SH3BP5: variants seen among roughly 807,000 people sequenced by gnomAD.
SH3BP5 encodes SH3 domain binding protein 5.
A neutral mutation model predicts 43.3 loss-of-function variants in SH3BP5; 22 were observed. The observed-to-expected ratio is 0.51, with a 90% CI of 0.36 to 0.73. The LOEUF is 0.73. SH3BP5 is among the 30% of genes least tolerant of loss of function. SH3BP5 has a pLI of 0.00. For synonymous variants in SH3BP5, 255 were observed against 225.8 expected (o/e 1.13, Z -1.16); for missense variants, 529 against 586.9 (o/e 0.90, Z 1.02).
intron 7 of SH3BP5, chr3:15,257,489 A>G (rs1696256253): frequency 5.8e-6 from 1 of 172,204 alleles, no homozygotes; most frequent in Admixed American, 5.9e-5. Context: ...AGTCCTCTGT[A>G]ACATATCCCA....
At chr3:15,333,566 A>G (rs991801596), upstream of SH3BP5, among the ~76,000 whole-genome samples, 1 of 152,182 alleles carries the variant, frequency 6.6e-6, no homozygotes, top group Non-Finnish European at 1.5e-5. Context: ...GCTCTTTGAG[A>G]TGCCAGGACA....
chr3:15,320,275 C>T (rs1011562522), intron 2 of SH3BP5, among the ~76,000 whole-genome samples: 3 of 152,024 alleles, frequency 2.0e-5, no homozygotes, highest in Admixed American at 6.6e-5. Context: ...CAGTTTCTTT[C>T]TGTTAGAGCA....
intron 2 of SH3BP5, 158 bp from the exon 3 acceptor site, chr3:15,304,389 C>G (rs1697839211): frequency 8.8e-7 from 1 of 1,134,688 alleles, no homozygotes; most frequent in African/African-American, 1.5e-5. Context: ...CAGCACCGCC[C>G]AAAACAGCTT....
chr3:15,330,668 A>G, intron 1 of SH3BP5, 102 bp from the exon 2 acceptor site: 1 of 1,395,264 alleles, frequency 7.2e-7, no homozygotes, highest in Non-Finnish European at 9.4e-7. Flanking sequence ...CCCAATTTGC[A>G]GGAAAAGGGA....
chr3:15,330,460 G>C (rs1443185208), intron 2 of SH3BP5, 44 bp downstream of exon 2: 6 of 1,504,134 alleles, frequency 4.0e-6, no homozygotes, highest in Non-Finnish European at 3.7e-6. Flanking sequence ...GTGCCGGTGT[G>C]AGTGACATCA....
chr3:15,279,110 C>T (rs1697050552), intron 3 of SH3BP5, among the ~76,000 whole-genome samples: 1 of 152,040 alleles, frequency 6.6e-6, no homozygotes, highest in South Asian at 2.1e-4. Flanking sequence ...GTGGAGGTTG[C>T]AGTGAGCCGA....
In SH3BP5 at chr3:15,330,498, C is replaced by T. The variant is rs369343891; in HGVS notation, c.201+6G>A. 2.5e-6 allele frequency: 4 copies of T among 1,611,650 alleles called. No homozygotes were observed. In the Admixed American group the frequency reaches 6.7e-5, roughly 27 times the overall value. ...TCACCAAGAACAGGAACTCAGCTCT[C>T]TGTACCTCAAGTTCAGTCTCCCGTC... On this transcript the variant is annotated splice_donor_region_variant and intron_variant, in intron 2 of 8. Transcript: ENST00000383791.
At chr3:15,325,770 A>T (rs1047070287) in intron 2 of SH3BP5, among the ~76,000 whole-genome samples, 3 of 152,208 alleles carry the variant, frequency 2.0e-5, no homozygotes, top group Non-Finnish European at 1.5e-5. Context: ...CTGTAATCCC[A>T]GCATTTTGTG....
intron 3 of SH3BP5, among the ~76,000 whole-genome samples, chr3:15,290,298 G>T (rs1413892074): frequency 1.3e-5 from 2 of 152,024 alleles, no homozygotes; most frequent in Admixed American, 6.6e-5. Context: ...AGAGGCCAAG[G>T]CGGGCAGATC....
intron 3 of SH3BP5, among the ~76,000 whole-genome samples, chr3:15,295,060 C>T (rs1697531264): frequency 6.6e-6 from 1 of 152,096 alleles, no homozygotes; most frequent in East Asian, 1.9e-4. Flanking sequence ...TCCCCTCAAG[C>T]CTTCCTGATG....
chr3:15,329,152 A>C (rs1379623523), intron 2 of SH3BP5, among the ~76,000 whole-genome samples: 2 of 112,132 alleles, frequency 1.8e-5, no homozygotes, highest in Non-Finnish European at 4.0e-5. Flanking sequence ...TCTGTCTCAA[A>C]AAAAAAAAAA....
chr3:15,276,875 T>C (rs998732366), intron 3 of SH3BP5, among the ~76,000 whole-genome samples: 11 of 152,248 alleles, frequency 7.2e-5, no homozygotes, highest in African/African-American at 2.4e-4. Context: ...ACATTTATAC[T>C]ATATAGTATA....
In SH3BP5 at chr3:15,304,001, C is replaced by T. The variant is rs565014667; in HGVS notation, c.330+102G>A. On this transcript the variant is annotated intron_variant, in intron 3 of 8. Coordinates refer to ENST00000383791, the MANE Select transcript of SH3BP5 (RefSeq NM_004844.5). Reference sequence around the variant, plus strand: ...GTCACTGCATTTAAGACATATTGGACTCGAGCTTCTAACCTTCAGCAGGTG... The same window carrying T: ...GTCACTGCATTTAAGACATATTGGATTCGAGCTTCTAACCTTCAGCAGGTG... The T allele has an allele frequency of 1.2e-4, 113 of 938,762 alleles. 1 individual carries two copies. The South Asian group carries it at 1.5e-3, about 13-fold the overall frequency. 58.2% of individuals were successfully genotyped at this position (938,762 alleles called of 1,614,324 possible). A position where few individuals can be genotyped will look rare whatever the true frequency, so the allele number is the denominator to read the frequency against.
At chr3:15,316,973 T>C (rs1346835916) in intron 2 of SH3BP5, among the ~76,000 whole-genome samples, 1 of 152,268 alleles carries the variant, frequency 6.6e-6, no homozygotes, top group Non-Finnish European at 1.5e-5. Flanking sequence ...CAGGATTCTT[T>C]GTGTAAGAGG....
chr3:15,332,927 C>T (rs1698653603), upstream of SH3BP5, among the ~76,000 whole-genome samples: 4 of 152,186 alleles, frequency 2.6e-5, no homozygotes, highest in South Asian at 8.3e-4. Context: ...GTGACCCTGG[C>T]CCTCAGGACC....
intron 2 of SH3BP5, among the ~76,000 whole-genome samples, chr3:15,304,544 G>A (rs1008193894): frequency 6.6e-6 from 1 of 152,224 alleles, no homozygotes; most frequent in African/African-American, 2.4e-5. Context: ...CTCGGGTGTG[G>A]TAGCTCACGC....
At position 15,259,808 on chromosome 3, in the gene SH3BP5, A is replaced by G; in HGVS notation, c.627-5T>C. ...GCCTTGAGTTCAAAATAAGGCCTGC[A>G]GAAGACAGGAAGGAAAGCCATCAGA... On this transcript the variant is annotated splice_region_variant and splice_polypyrimidine_tract_variant and intron_variant, in intron 5 of 8. Transcript: ENST00000383791. 6.2e-7 allele frequency: 1 copy of G among 1,613,864 alleles called. No homozygotes were observed. The highest frequency in any genetic ancestry group is 8.5e-7 in the Non-Finnish European group (1 of 1,179,684).
At chr3:15,277,469 G>C (rs1293984264) in intron 3 of SH3BP5, among the ~76,000 whole-genome samples, 1 of 152,158 alleles carries the variant, frequency 6.6e-6, no homozygotes, top group Non-Finnish European at 1.5e-5. Context: ...GAGGAGAAGT[G>C]GGGAGAAGGC....
At chr3:15,280,357 G>A (rs1207581977) in intron 3 of SH3BP5, among the ~76,000 whole-genome samples, 2 of 152,052 alleles carry the variant, frequency 1.3e-5, no homozygotes, top group Admixed American at 6.6e-5. Flanking sequence ...GCCTGAGCTG[G>A]GGGTAGACAG....
Sources: gnomAD v4.1 joint callset for allele counts (sites outside exome capture counted in the v4.1 genomes callset) on GRCh38, gnomAD v4.1.1 for gene constraint, MANE v1.5 for transcripts, NCBI Gene and HGNC (gene_info 2026-07-23, HGNC 2026-07-21) for gene names.